Variants in GPC5 observed in about 807,000 individuals in gnomAD.
GPC5 encodes the protein glypican 5.
In GPC5, 47 loss-of-function variants were observed where a neutral mutation model predicts 53.9. That is an observed-to-expected ratio of 0.87 (90% CI 0.69 to 1.11). The LOEUF is 1.11. GPC5 is among the 50% of genes most tolerant of loss of function. The pLI is 0.00. For missense variants in GPC5, 748 were observed against 713.1 expected, an observed-to-expected ratio of 1.05 and a Z score of -0.56; for synonymous variants, 286 against 263.3, an observed-to-expected ratio of 1.09 and a Z score of -0.84.
Position 92,551,299 on chromosome 13 carries a change from G to GA in GPC5, c.1562-314972dup, listed in dbSNP as rs1392969548. On this transcript the variant is annotated intron_variant, in intron 7 of 7. Transcript: ENST00000377067. ...TAATCTAAAACCAGGCAGCCAAAAA[G>GA]AAAAAAAAAAAGAGAGCGAAAATAA... 3.9e-3 allele frequency among the ~76,000 whole-genome samples: 446 copies of GA among 113,118 alleles called. 1 individual carries two copies. Among genetic ancestry groups the GA allele is most frequent in the African/African-American group, 8.3e-3 (256 of 30,830 alleles). 74.2% of individuals were successfully genotyped at this position (113,118 alleles called of 152,430 possible).
chr13:91,599,580 AT>A lies in GPC5; in HGVS notation c.326-93606del, dbSNP rs148947363. Among the ~76,000 whole-genome samples, 732 of 152,344 alleles carry A rather than the reference AT, an allele frequency of 4.8e-3. 7 individuals carry two copies. The highest frequency in any genetic ancestry group is 0.015 in the African/African-American group (643 of 41,586). On this transcript the variant is annotated intron_variant, in intron 2 of 7. Coordinates refer to ENST00000377067, the MANE Select transcript of GPC5 (RefSeq NM_004466.6). ...AAAACTCAATACTATAATTAAAAAA[AT>A]ATACATAAGTAAAAACATTAAATTC... is the stretch of plus-strand genomic sequence containing the variant.
chr13:92,239,009 T>C (rs1461158988), intron 7 of GPC5, among the ~76,000 whole-genome samples: 3 of 151,732 alleles, frequency 2.0e-5, no homozygotes, highest in Non-Finnish European at 4.4e-5. Context: ...ATTTTTTTTT[T>C]CATGGAATTA....
At chr13:91,700,349 C>A (rs2035966863) in intron 3 of GPC5, among the ~76,000 whole-genome samples, 1 of 152,134 alleles carries the variant, frequency 6.6e-6, no homozygotes, top group Admixed American at 6.5e-5. Flanking sequence ...GTGATTTTAT[C>A]TTTCTGTTAA....
intron 1 of GPC5, among the ~76,000 whole-genome samples, chr13:91,405,943 T>C (rs1318519981): frequency 6.6e-6 from 1 of 152,148 alleles, no homozygotes; most frequent in African/African-American, 2.4e-5. Context: ...AGCTAATTTT[T>C]GTATTTTTTG....
chr13:92,859,356 T>A (rs1879108385), intron 7 of GPC5, among the ~76,000 whole-genome samples: 2 of 152,278 alleles, frequency 1.3e-5, no homozygotes, highest in South Asian at 4.1e-4. Flanking sequence ...AACAGCCACC[T>A]TTTTTTCTGG....
At chr13:92,393,960 T>C (rs1173483594) in intron 7 of GPC5, among the ~76,000 whole-genome samples, 1 of 152,212 alleles carries the variant, frequency 6.6e-6, no homozygotes, top group Non-Finnish European at 1.5e-5. Flanking sequence ...TGAACTTTGT[T>C]GGTATTCAAA....
intron 5 of GPC5, among the ~76,000 whole-genome samples, chr13:91,810,437 G>A (rs962470776): frequency 6.6e-6 from 1 of 151,960 alleles, no homozygotes; most frequent in Non-Finnish European, 1.5e-5. Context: ...CAATCTGAAT[G>A]CAAAGACAGT....
rs1205424642 is a variant in GPC5, at chr13:92,751,315, A to AC, written c.1562-114967_1562-114966insC. Among the ~76,000 whole-genome samples the AC allele has an allele frequency of 7.0e-5, 10 of 143,358 alleles. 1 individual carries two copies. The South Asian group carries it at 8.7e-4, about 13-fold the overall frequency. The allele number at this position is 143,358 out of a possible 152,430, so 94.0% of individuals were successfully genotyped here. A position where few individuals can be genotyped will look rare whatever the true frequency, so the allele number is the denominator to read the frequency against. ...ATCCAGAAACATTTAAAAAAAAAAA[A>AC]AAAAAAAAAAAAAAAAAAAACCTTC... On this transcript the variant is annotated intron_variant, in intron 7 of 7. Coordinates refer to ENST00000377067, the MANE Select transcript of GPC5 (RefSeq NM_004466.6).
intron 5 of GPC5, among the ~76,000 whole-genome samples, chr13:91,791,337 A>T (rs1419418501): frequency 6.6e-6 from 1 of 152,182 alleles, no homozygotes; most frequent in African/African-American, 2.4e-5. Context: ...GAGAAGACAC[A>T]GCCGCTACCT....
intron 6 of GPC5, among the ~76,000 whole-genome samples, chr13:92,074,303 G>A (rs1265866447): frequency 2.0e-5 from 3 of 152,154 alleles, no homozygotes; most frequent in African/African-American, 7.2e-5. Flanking sequence ...AATGAGAATA[G>A]GAATTGGTAA....
At chr13:92,374,879 A>AT (rs2043681581) in intron 7 of GPC5, among the ~76,000 whole-genome samples, 1 of 150,628 alleles carries the variant, frequency 6.6e-6, no homozygotes, top group South Asian at 2.1e-4. Flanking sequence ...GAAAAAAAAA[A>AT]TAAAAAAAAA....
At chr13:91,467,709 A>C (rs576386430) in intron 2 of GPC5, among the ~76,000 whole-genome samples, 3 of 152,186 alleles carry the variant, frequency 2.0e-5, no homozygotes, top group Non-Finnish European at 4.4e-5. Flanking sequence ...GCTACATTTA[A>C]AAATTTTATT....
chr13:91,521,738 G>A (rs9515934), intron 2 of GPC5, among the ~76,000 whole-genome samples: 139,176 of 152,236 alleles, frequency 0.91, 64,871 homozygotes, highest in Non-Finnish European at 1. Context: ...GGTGTCTTCT[G>A]ATTCGATTCT....
chr13:91,794,120 C>G (rs1408471033), intron 5 of GPC5, among the ~76,000 whole-genome samples: 2 of 151,936 alleles, frequency 1.3e-5, no homozygotes, highest in Non-Finnish European at 2.9e-5. Flanking sequence ...CAGCATTATT[C>G]CTCTGTTTTA....
At chr13:92,398,799 C>T (rs1875418306) in intron 7 of GPC5, among the ~76,000 whole-genome samples, 2 of 152,032 alleles carry the variant, frequency 1.3e-5, no homozygotes, top group South Asian at 2.1e-4. Flanking sequence ...AGTTGCAGTT[C>T]CAAAAACTCA....
intron 2 of GPC5, among the ~76,000 whole-genome samples, chr13:91,545,943 G>C (rs1594235056): frequency 6.6e-6 from 1 of 152,014 alleles, no homozygotes; most frequent in African/African-American, 2.4e-5. Context: ...CTTGTATTTA[G>C]AATAATTTAA....
intron 5 of GPC5, among the ~76,000 whole-genome samples, chr13:91,775,196 T>C (rs2037690937): frequency 6.6e-6 from 1 of 152,210 alleles, no homozygotes; most frequent in Non-Finnish European, 1.5e-5. Context: ...AGCGAAGTTA[T>C]ATCTACATTT....
intron 7 of GPC5, among the ~76,000 whole-genome samples, chr13:92,806,676 G>A (rs923235081): frequency 1.3e-5 from 2 of 152,022 alleles, no homozygotes; most frequent in African/African-American, 4.8e-5. Flanking sequence ...GAAGCCTGAG[G>A]AGAGGGAGAT....
intron 2 of GPC5, among the ~76,000 whole-genome samples, chr13:91,552,262 A>G (rs982010229): frequency 1.3e-5 from 2 of 152,000 alleles, no homozygotes; most frequent in African/African-American, 4.8e-5. Context: ...AAATTATCTT[A>G]TTTGAAAAGC....
Sources: gnomAD v4.1 joint callset for allele counts (sites outside exome capture counted in the v4.1 genomes callset) on GRCh38, gnomAD v4.1.1 for gene constraint, MANE v1.5 for transcripts, NCBI Gene and HGNC (gene_info 2026-07-23, HGNC 2026-07-21) for gene names.